MEF2C: variants seen among roughly 807,000 people sequenced by gnomAD.
MEF2C encodes the protein myocyte-specific enhancer factor 2C.
Under a neutral mutation model 50.5 loss-of-function variants are expected in MEF2C, and 6 were observed. The ratio of observed to expected loss-of-function variants is 0.12; its 90% CI spans 0.07 to 0.23. The LOEUF (loss-of-function observed/expected upper bound fraction) is 0.23. MEF2C is among the 10% of genes least tolerant of loss of function. The pLI is 1.00. For synonymous variants in MEF2C, 183 were observed against 228.0 expected (o/e 0.80, Z 1.78); for missense variants, 276 against 605.0 (o/e 0.46, Z 5.70).
intron 1 of MEF2C, among the ~76,000 whole-genome samples, chr5:88,848,616 G>C (rs1437984238): frequency 6.6e-6 from 1 of 152,098 alleles, no homozygotes; most frequent in South Asian, 2.1e-4. Context: ...TGCAACTGGG[G>C]TAAGCACATT....
At chr5:88,827,608 A>C (rs145323805) in intron 1 of MEF2C, among the ~76,000 whole-genome samples, 5 of 152,084 alleles carry the variant, frequency 3.3e-5, no homozygotes, top group East Asian at 1.9e-4. Context: ...AATTCATGTC[A>C]GCTCTAGGTT....
intron 5 of MEF2C, 22 bp from the exon 6 acceptor site, chr5:88,749,139 C>G: frequency 6.4e-7 from 1 of 1,552,978 alleles, no homozygotes; most frequent in Non-Finnish European, 8.7e-7. Context: ...AGAGGAAGAT[C>G]AAAACGAGAA....
intron 2 of MEF2C, among the ~76,000 whole-genome samples, chr5:88,806,606 C>G (rs1390199350): frequency 6.6e-6 from 1 of 152,272 alleles, no homozygotes; most frequent in Admixed American, 6.5e-5. Flanking sequence ...AGCCTGACCT[C>G]CCAGTCTCCT....
chr5:88,787,270 T>C (rs1231447330), intron 3 of MEF2C, among the ~76,000 whole-genome samples: 1 of 152,258 alleles, frequency 6.6e-6, no homozygotes, highest in East Asian at 1.9e-4. Flanking sequence ...AGTCGTAAAT[T>C]AAGAATTTTT....
chr5:88,749,458 C>T (rs1771555037), intron 5 of MEF2C: 2 of 984,494 alleles, frequency 2.0e-6, no homozygotes, highest in African/African-American at 3.5e-5. Flanking sequence ...CTACTATATG[C>T]TCAGATGACC....
At chr5:88,860,775 C>A (rs188411538) in intron 1 of MEF2C, among the ~76,000 whole-genome samples, 144 of 152,228 alleles carry the variant, frequency 9.5e-4, no homozygotes, top group Admixed American at 1.5e-3. Context: ...ACATTTTTCC[C>A]CCTCTGGGTT....
chr5:88,902,761 C>G lies in MEF2C; in HGVS notation c.-240+1155G>C, dbSNP rs1223640836. Among the ~76,000 whole-genome samples, 5 of 151,500 alleles carry G rather than the reference C, an allele frequency of 3.3e-5. No homozygotes were observed. The East Asian group carries it at 7.7e-4, about 23-fold the overall frequency. ...ATTAGTAATTTATATTGGTAGGAGT[C>G]TTTTCTTTCTTAAGCACCAATTCTA... On this transcript the variant is annotated intron_variant, in intron 1 of 11. Coordinates refer to the MEF2C transcript ENST00000340208.
Position 88,833,480 on chromosome 5 carries a change from C to A in MEF2C, c.-142-9550G>T, listed in dbSNP as rs1309279874. On this transcript the variant is annotated intron_variant, in intron 1 of 10. Coordinates refer to ENST00000504921, the MANE Select transcript of MEF2C (RefSeq NM_002397.5). Reference sequence around the variant, plus strand: ...AAAATCTGTAGAGAAATCAGCCAGCCCAAATCCTGCCATTACTCAGCACTG... The same window carrying A: ...AAAATCTGTAGAGAAATCAGCCAGCACAAATCCTGCCATTACTCAGCACTG... Among the ~76,000 whole-genome samples, 4 of 151,996 alleles carry A rather than the reference C, an allele frequency of 2.6e-5. No homozygotes were observed. In the East Asian group the frequency reaches 7.7e-4, roughly 29 times the overall value.
At chr5:88,833,562 C>T (rs1044631408) in intron 1 of MEF2C, among the ~76,000 whole-genome samples, 5 of 152,110 alleles carry the variant, frequency 3.3e-5, no homozygotes, top group South Asian at 4.1e-4. Flanking sequence ...GGAAACTCTA[C>T]GTACTCGACT....
intron 1 of MEF2C, among the ~76,000 whole-genome samples, chr5:88,872,464 G>C (rs1017558889): frequency 6.6e-6 from 1 of 151,840 alleles, no homozygotes; most frequent in Non-Finnish European, 1.5e-5. Flanking sequence ...CATTAGAATT[G>C]ACCCACGACT....
chr5:88,830,175 G>A (rs567009564), intron 1 of MEF2C, among the ~76,000 whole-genome samples: 1 of 151,900 alleles, frequency 6.6e-6, no homozygotes, highest in Non-Finnish European at 1.5e-5. Flanking sequence ...TATCAGCTAC[G>A]GAAGAGCTTC....
At chr5:88,818,124 T>A (rs1215427377) in intron 2 of MEF2C, among the ~76,000 whole-genome samples, 1 of 152,082 alleles carries the variant, frequency 6.6e-6, no homozygotes, top group Non-Finnish European at 1.5e-5. Context: ...AAATGATAAA[T>A]GTTTGAGATG....
At chr5:88,890,988 T>C (rs1267045727) in intron 1 of MEF2C, among the ~76,000 whole-genome samples, 2 of 152,202 alleles carry the variant, frequency 1.3e-5, no homozygotes, top group Admixed American at 1.3e-4. Flanking sequence ...GAAAGTCAAC[T>C]TGACTGAAAA....
chr5:88,726,944 C>T (rs1759086781), intron 10 of MEF2C, among the ~76,000 whole-genome samples: 1 of 151,808 alleles, frequency 6.6e-6, no homozygotes, highest in South Asian at 2.1e-4. Flanking sequence ...ACATTGATAA[C>T]TTTTAGGGAA....
intron 6 of MEF2C, chr5:88,738,435 C>T: frequency 4.3e-6 from 4 of 931,996 alleles, no homozygotes; most frequent in Non-Finnish European, 5.1e-6. Context: ...TTCACAAGAA[C>T]AACCCTGTGG....
At chr5:88,792,580 G>A (rs886408103) in intron 3 of MEF2C, among the ~76,000 whole-genome samples, 2 of 152,110 alleles carry the variant, frequency 1.3e-5, no homozygotes, top group African/African-American at 4.8e-5. Context: ...CTAGACCAGT[G>A]CTGTCTCATA....
chr5:88,792,652 C>G (rs1334699635), intron 3 of MEF2C, among the ~76,000 whole-genome samples: 1 of 152,192 alleles, frequency 6.6e-6, no homozygotes, highest in East Asian at 1.9e-4. Context: ...TCAGTAGCCA[C>G]TAGCCACACA....
intron 2 of MEF2C, among the ~76,000 whole-genome samples, chr5:88,820,676 C>T (rs1187451662): frequency 3.3e-5 from 5 of 152,024 alleles, no homozygotes; most frequent in Non-Finnish European, 5.9e-5. Flanking sequence ...GGACAGTCTA[C>T]AGTGGGGCAG....
chr5:88,847,379 C>T (rs575660841), intron 1 of MEF2C, among the ~76,000 whole-genome samples: 5 of 152,254 alleles, frequency 3.3e-5, no homozygotes, highest in Non-Finnish European at 7.4e-5. Context: ...CCCTAGAATA[C>T]CAATGTAGTC....
Sources: gnomAD v4.1 joint callset for allele counts (sites outside exome capture counted in the v4.1 genomes callset) on GRCh38, gnomAD v4.1.1 for gene constraint, MANE v1.5 for transcripts, NCBI Gene and HGNC (gene_info 2026-07-23, HGNC 2026-07-21) for gene names.